PLA2R1: variants seen among roughly 807,000 people sequenced by gnomAD.
PLA2R1 encodes secretory phospholipase A2 receptor.
PLA2R1 carries 158 observed loss-of-function variants against 195.9 expected under a neutral mutation model. That is an observed-to-expected ratio of 0.81 (90% CI 0.71 to 0.92). The LOEUF (loss-of-function observed/expected upper bound fraction) is 0.92, where lower values mean the gene tolerates loss of function less well. Among genes scored for constraint, PLA2R1 ranks in the 40% least tolerant of loss-of-function variants. PLA2R1 has a pLI of 0.00. For missense variants in PLA2R1, 1,626 were observed against 1,764.6 expected, an observed-to-expected ratio of 0.92 and a Z score of 1.41; for synonymous variants, 586 against 598.2, an observed-to-expected ratio of 0.98 and a Z score of 0.30.
chr2:160,051,468 T>C (rs1461400694), intron 1 of PLA2R1, among the ~76,000 whole-genome samples: 1 of 152,218 alleles, frequency 6.6e-6, no homozygotes, highest in Non-Finnish European at 1.5e-5. Context: ...TCAGCAGGGA[T>C]GCAGTCCAGA....
rs147552677 is a variant in PLA2R1 at position 159,943,923 on chromosome 2, G to A, written c.4144+983C>T. 1.1e-4 allele frequency among the ~76,000 whole-genome samples: 17 copies of A among 151,800 alleles called. No individual in the cohort carries two copies. In the East Asian group the frequency reaches 3.1e-3, roughly 28 times the overall value. On this transcript the variant is annotated intron_variant, in intron 28 of 29. Coordinates refer to ENST00000283243, the MANE Select transcript of PLA2R1 (RefSeq NM_007366.5). The stretch of plus-strand genomic sequence containing the variant: ...CCAGCTCAAATCAGTCAACAGGGCC[G>A]GTGATTCTCTCTTCCTATTTCTCCC...
chr2:159,965,034 A>C (rs1394409352), intron 20 of PLA2R1, among the ~76,000 whole-genome samples: 14 of 152,086 alleles, frequency 9.2e-5, no homozygotes, highest in Non-Finnish European at 1.6e-4. Flanking sequence ...CTCAAAAAAA[A>C]CCAGGAAGGT....
chr2:160,035,424 C>T (rs896271495), intron 3 of PLA2R1, among the ~76,000 whole-genome samples: 1 of 152,274 alleles, frequency 6.6e-6, no homozygotes, highest in East Asian at 1.9e-4. Flanking sequence ...TATACTTAGC[C>T]CCTGTATCCC....
the PLA2R1 span, among the ~76,000 whole-genome samples, chr2:159,924,732 G>GC: frequency 1.8e-5 from 2 of 108,348 alleles, no homozygotes; most frequent in East Asian, 5.8e-4. Flanking sequence ...TGGGGGCTGG[G>GC]GGGGGGGCGG....
intron 20 of PLA2R1, 126 bp downstream of exon 20, chr2:159,967,413 G>T: frequency 1.4e-6 from 1 of 700,984 alleles, no homozygotes; most frequent in Non-Finnish European, 2.3e-6. Flanking sequence ...TGAAAGTTGT[G>T]ACAAAAAAAT....
At chr2:159,967,322 C>T (rs961517630) in intron 20 of PLA2R1, among the ~76,000 whole-genome samples, 21 of 151,992 alleles carry the variant, frequency 1.4e-4, no homozygotes, top group South Asian at 2.1e-4. Context: ...AGTATAGAAA[C>T]GAGGGGCAGT....
In PLA2R1 at chr2:160,028,317, T is replaced by C. The variant is rs373604053; in HGVS notation, c.1000A>G (p.Ser334Gly). ...PFVEDHCGTF[S>G]SFMPSAWRSR... ...CTCCAGGCACTTGGCATAAATGAAC[T>C]AAATGTTCCACAGTGATCTTCAACA... The change falls in exon 6 of 30, where the codon AGT (serine) becomes GGT (glycine). Residue 334 changes from serine (S) to glycine (G), a missense_variant. Physicochemically the swap from Ser to Gly is moderately conservative, Grantham distance 56. Coordinates refer to ENST00000283243, the MANE Select transcript of PLA2R1 (RefSeq NM_007366.5). 9.3e-6 allele frequency: 15 copies of C among 1,608,440 alleles called. No homozygotes were observed. The highest frequency in any genetic ancestry group is 1.3e-5 in the Non-Finnish European group (15 of 1,175,704).
At chr2:160,041,113 T>G (rs1172918859) in intron 3 of PLA2R1, among the ~76,000 whole-genome samples, 2 of 152,236 alleles carry the variant, frequency 1.3e-5, no homozygotes, top group African/African-American at 4.8e-5. Context: ...TAAGCCATAC[T>G]AGCTCTTGGA....
chr2:160,028,085 T>C lies in PLA2R1; in HGVS notation c.1099+133A>G, dbSNP rs1300076557. On this transcript the variant is annotated intron_variant, in intron 6 of 29. Coordinates refer to ENST00000283243, the MANE Select transcript of PLA2R1 (RefSeq NM_007366.5). ...ATAACAGATATTGTCTAGTTACACA[T>C]CTTTTCATATAAATATAAACTAGAT... 5.0e-6 allele frequency: 3 copies of C among 600,886 alleles called. No homozygotes were observed. In the East Asian group the frequency reaches 9.0e-5, roughly 18 times the overall value. The allele number at this position is 600,886 out of a possible 1,614,324, so 37.2% of individuals were successfully genotyped here. A position where few individuals can be genotyped will look rare whatever the true frequency, so the allele number is the denominator to read the frequency against.
chr2:159,951,188 C>G (rs775351904), intron 24 of PLA2R1, 152 bp downstream of exon 24: 7 of 601,454 alleles, frequency 1.2e-5, no homozygotes, highest in Non-Finnish European at 2.1e-5. Flanking sequence ...TAAGGTTGGT[C>G]AGGTAATTGC....
chr2:160,039,665 G>A (rs1409577355), intron 3 of PLA2R1, among the ~76,000 whole-genome samples: 2 of 152,064 alleles, frequency 1.3e-5, no homozygotes, highest in African/African-American at 4.8e-5. Context: ...GTCATTTTGA[G>A]TTATATTGGC....
intron 13 of PLA2R1, 91 bp downstream of exon 13, chr2:159,983,837 T>G: frequency 1.6e-6 from 1 of 621,596 alleles, no homozygotes; most frequent in South Asian, 2.8e-5. Flanking sequence ...ATGGGAATTT[T>G]AAACAACTAC....
At chr2:159,996,347 C>A (rs2105357175) in intron 11 of PLA2R1, among the ~76,000 whole-genome samples, 1 of 152,154 alleles carries the variant, frequency 6.6e-6, no homozygotes, top group South Asian at 2.1e-4. Context: ...TCTCTTAACA[C>A]TTTAAATATT....
At chr2:160,016,757 A>T in intron 8 of PLA2R1, 45 bp from the exon 9 acceptor site, 4 of 896,434 alleles carry the variant, frequency 4.5e-6, no homozygotes, top group Non-Finnish European at 7.4e-6. Flanking sequence ...CTCTGTGCTG[A>T]TACCGATGGG....
chr2:160,037,074 A>C (rs998466565), intron 3 of PLA2R1, among the ~76,000 whole-genome samples: 1 of 152,152 alleles, frequency 6.6e-6, no homozygotes, highest in Admixed American at 6.5e-5. Context: ...CAGTTTATCT[A>C]CAAGTTAGAT....
In PLA2R1 at chr2:159,958,233, A is replaced by C. The variant is rs538824423; in HGVS notation, c.2905-1606T>G. On this transcript the variant is annotated intron_variant, in intron 20 of 29. Coordinates refer to ENST00000283243, the MANE Select transcript of PLA2R1 (RefSeq NM_007366.5). ...AGTTCATGCGAGATCTGATTGTTTA[A>C]AAGTCTGGAACCTCCTCTCACCTCA... 3.3e-5 allele frequency among the ~76,000 whole-genome samples: 5 copies of C among 151,904 alleles called. No individual in the cohort carries two copies. The South Asian group carries it at 1.0e-3, about 32-fold the overall frequency.
intron 1 of PLA2R1, among the ~76,000 whole-genome samples, chr2:160,053,896 TTATGAA>T (rs1309093061): frequency 4.6e-5 from 7 of 152,196 alleles, no homozygotes; most frequent in Non-Finnish European, 4.4e-5. Context: ...ATAGAAATGA[TTATGAA>T]TCCCAAGACC....
At chr2:160,045,513 G>A (rs1213722190) in intron 1 of PLA2R1, among the ~76,000 whole-genome samples, 4 of 152,164 alleles carry the variant, frequency 2.6e-5, no homozygotes, top group Non-Finnish European at 5.9e-5. Flanking sequence ...AGGGCTCCCG[G>A]GGAGGGACAC....
chr2:160,021,564 G>A (rs10929961), intron 7 of PLA2R1, among the ~76,000 whole-genome samples: 107,563 of 152,018 alleles, frequency 0.71, 38,777 homozygotes, highest in East Asian at 0.87. Context: ...CTTATAAGTG[G>A]GAGCTAAACA....
Sources: allele counts gnomAD v4.1 joint callset (sites outside exome capture counted in the v4.1 genomes callset), GRCh38; gene constraint gnomAD v4.1.1; transcripts MANE v1.5; gene names NCBI Gene and HGNC (gene_info 2026-07-23, HGNC 2026-07-21).